MALRD1: variants seen among roughly 807,000 people sequenced by gnomAD.
The protein encoded by MALRD1 is MAM and LDL receptor class A domain containing 1.
MALRD1 carries 247 observed loss-of-function variants against 242.1 expected under a neutral mutation model. The ratio of observed to expected loss-of-function variants is 1.02; its 90% CI spans 0.92 to 1.13. The LOEUF is 1.13. Among genes scored for constraint, MALRD1 ranks in the 50% most tolerant of loss-of-function variants. MALRD1 has a pLI of 0.00. For synonymous variants in MALRD1, 995 were observed against 866.6 expected, an observed-to-expected ratio of 1.15 and a Z score of -2.60; for missense variants, 2,989 against 2,533.1, an observed-to-expected ratio of 1.18 and a Z score of -3.86.
At chr10:19,123,200 T>C (rs1476110287) in intron 5 of MALRD1, among the ~76,000 whole-genome samples, 2 of 152,194 alleles carry the variant, frequency 1.3e-5, no homozygotes, top group African/African-American at 2.4e-5. Flanking sequence ...CTATGAAGGA[T>C]TGGCTTTGGG....
chr10:19,259,483 T>C (rs1839653820), intron 19 of MALRD1, among the ~76,000 whole-genome samples: 1 of 152,138 alleles, frequency 6.6e-6, no homozygotes, highest in Non-Finnish European at 1.5e-5. Flanking sequence ...TCTTACAAGT[T>C]ATAGGCAAAG....
chr10:19,375,628 A>T (rs1845562128), intron 26 of MALRD1, among the ~76,000 whole-genome samples: 1 of 152,188 alleles, frequency 6.6e-6, no homozygotes, highest in African/African-American at 2.4e-5. Flanking sequence ...TTATTTTGAT[A>T]CATAACTGGT....
chr10:19,123,176 C>A lies in MALRD1; in HGVS notation c.695-316C>A, dbSNP rs1377042037. On this transcript the variant is annotated intron_variant, in intron 5 of 39. Coordinates refer to ENST00000454679, the MANE Select transcript of MALRD1 (RefSeq NM_001142308.3). The stretch of plus-strand genomic sequence containing the variant: ...TAGACTCTGAGTTCCAACATTAGGG[C>A]AATTTTTTTACTCCTATGAAGGATT... Among the ~76,000 whole-genome samples, 5 of 152,154 alleles carry A rather than the reference C, an allele frequency of 3.3e-5. No homozygotes were observed. In the East Asian group the frequency reaches 9.6e-4, roughly 29 times the overall value.
chr10:19,123,207 T>C (rs1169525502), intron 5 of MALRD1, among the ~76,000 whole-genome samples: 2 of 152,198 alleles, frequency 1.3e-5, no homozygotes, highest in Non-Finnish European at 2.9e-5. Flanking sequence ...GGATTGGCTT[T>C]GGGGCTTGCC....
chr10:19,381,269 A>G (rs940278670), intron 26 of MALRD1, among the ~76,000 whole-genome samples: 2 of 151,128 alleles, frequency 1.3e-5, no homozygotes, highest in African/African-American at 4.9e-5. Flanking sequence ...ATAGTATTCC[A>G]TGGTGTATAT....
chr10:19,588,155 T>C (rs1034158704), intron 33 of MALRD1, among the ~76,000 whole-genome samples: 2 of 152,168 alleles, frequency 1.3e-5, no homozygotes, highest in African/African-American at 4.8e-5. Context: ...CGAAAATTTT[T>C]TTTTAAAGAC....
chr10:19,304,368 A>G (rs186261179), intron 21 of MALRD1, among the ~76,000 whole-genome samples: 137 of 151,454 alleles, frequency 9.0e-4, no homozygotes, highest in African/African-American at 3.2e-3. Context: ...TCTCTGTATC[A>G]TCTATCTATT....
At chr10:19,489,850 C>T (rs750233545) in intron 29 of MALRD1, among the ~76,000 whole-genome samples, 7 of 152,180 alleles carry the variant, frequency 4.6e-5, no homozygotes, top group Non-Finnish European at 1.0e-4. Context: ...TTGATCGTGG[C>T]TCTGCTGTCA....
In MALRD1 at chr10:19,204,289, T is replaced by TTC; in HGVS notation, c.2105-18_2105-17insCT. 6.8e-7 allele frequency: 1 copy of TTC among 1,475,870 alleles called. No homozygotes were observed. The highest frequency in any genetic ancestry group is 2.5e-5 in the East Asian group (1 of 40,480). 91.4% of individuals were successfully genotyped at this position (1,475,870 alleles called of 1,614,324 possible). A position where few individuals can be genotyped will look rare whatever the true frequency, so the allele number is the denominator to read the frequency against. ...CAATAGGTTAATGAAGCGTTTTTTT[T>TTC]TTTTTTTTATCTCAACAGGGCATTT... On this transcript the variant is annotated intron_variant, in intron 15 of 39. Transcript: ENST00000454679.
upstream of MALRD1, among the ~76,000 whole-genome samples, chr10:19,048,471 A>G (rs1410454011): frequency 6.6e-6 from 1 of 152,200 alleles, no homozygotes; most frequent in Non-Finnish European, 1.5e-5. Flanking sequence ...TGGGCCTGAA[A>G]TTTTGAATAT....
At chr10:19,313,822 A>G (rs1191635626) in intron 21 of MALRD1, among the ~76,000 whole-genome samples, 1 of 151,508 alleles carries the variant, frequency 6.6e-6, no homozygotes, top group Non-Finnish European at 1.5e-5. Context: ...TGAAACAGGA[A>G]CTGTGGTTGC....
At position 19,595,340 on chromosome 10, in the gene MALRD1, A is replaced by ACC; in HGVS notation, c.5830_5831dup (p.Pro1945LeufsTer84). 1 of 1,550,414 alleles carries ACC rather than the reference A, an allele frequency of 6.4e-7. No individual in the cohort carries two copies. The highest frequency in any genetic ancestry group is 8.7e-7 in the Non-Finnish European group (1 of 1,146,902). ...TGAAATGGATTGTCCTCTCAGCCCCACCCCTCCACTCTGTAGTAACATGGA... is the reference window on the plus strand; with the variant it reads ...TGAAATGGATTGTCCTCTCAGCCCCACCCCCCTCCACTCTGTAGTAACATGGA... On this transcript the variant is annotated frameshift_variant, in exon 34 of 40. Coordinates refer to ENST00000454679, the MANE Select transcript of MALRD1 (RefSeq NM_001142308.3). LOFTEE classifies it high-confidence loss of function.
At chr10:19,103,591 G>A (rs555829295) in intron 4 of MALRD1, among the ~76,000 whole-genome samples, 19 of 150,534 alleles carry the variant, frequency 1.3e-4, no homozygotes, top group South Asian at 4.2e-4. Context: ...AGAACCAAAG[G>A]GGAAGATGGG....
intron 19 of MALRD1, among the ~76,000 whole-genome samples, chr10:19,270,784 G>C (rs1391961930): frequency 1.4e-5 from 2 of 144,586 alleles, no homozygotes; most frequent in Non-Finnish European, 3.0e-5. Flanking sequence ...CAGGAAAGAG[G>C]GTTAAGATGG....
chr10:19,087,868 G>A lies in MALRD1; in HGVS notation c.369G>A (p.Val123=). The A allele has an allele frequency of 1.6e-6, 2 of 1,232,944 alleles. No individual in the cohort carries two copies. Among genetic ancestry groups the A allele is most frequent in the Non-Finnish European group, 2.0e-6 (2 of 987,632 alleles). The allele number at this position is 1,232,944 out of a possible 1,614,324, so 76.4% of individuals were successfully genotyped here. A position where few individuals can be genotyped will look rare whatever the true frequency, so the allele number is the denominator to read the frequency against. The part of the protein sequence containing the change: ...SAHFLSLVSR[V]DSISSSLRSR... ...ACTTCCTCTCACTGGTTTCCAGAGT[G>A]GATTCTATTTCCTCAAGTTTAAGAA... is the stretch of plus-strand genomic sequence containing the variant. Residue 123 remains valine, a synonymous_variant, in exon 3 of 40, where the codon GTG becomes GTA. Coordinates refer to ENST00000454679, the MANE Select transcript of MALRD1 (RefSeq NM_001142308.3).
chr10:19,682,342 C>G (rs537012381), intron 36 of MALRD1, among the ~76,000 whole-genome samples: 2 of 152,274 alleles, frequency 1.3e-5, no homozygotes, highest in African/African-American at 2.4e-5. Flanking sequence ...CAGGCACACT[C>G]AGAAATAAGT....
chr10:19,547,807 TATATATATATA>T (rs1268424372), intron 32 of MALRD1, among the ~76,000 whole-genome samples: 5 of 15,312 alleles, frequency 3.3e-4, no homozygotes, highest in Admixed American at 2.2e-3. Context: ...TATATATATA[TATATATATATA>T]TTTTTTTTTT....
At chr10:19,438,552 T>G (rs979990434) in intron 28 of MALRD1, among the ~76,000 whole-genome samples, 1 of 152,186 alleles carries the variant, frequency 6.6e-6, no homozygotes, top group Admixed American at 6.5e-5. Context: ...AGTAATTCCA[T>G]TTTTAGTTTC....
chr10:19,472,263 GGTATATGATCCTTTCA>G (rs1276702362), intron 29 of MALRD1, among the ~76,000 whole-genome samples: 1 of 151,938 alleles, frequency 6.6e-6, no homozygotes, highest in East Asian at 1.9e-4. Context: ...ACTTGATCAG[GGTATATGATCCTTTCA>G]GTGTGCTGTT....
Sources: gnomAD v4.1 joint callset for allele counts (sites outside exome capture counted in the v4.1 genomes callset) on GRCh38, gnomAD v4.1.1 for gene constraint, MANE v1.5 for transcripts, NCBI Gene and HGNC (gene_info 2026-07-23, HGNC 2026-07-21) for gene names.